The following HTR2A variants were observed in gnomAD, a reference collection of about 807,000 sequenced individuals.
The protein encoded by HTR2A is 5-hydroxytryptamine receptor 2A.
In HTR2A, 14 loss-of-function variants were observed where a neutral mutation model predicts 31.0. The ratio of observed to expected loss-of-function variants is 0.45; its 90% confidence interval spans 0.30 to 0.71. HTR2A has a LOEUF of 0.71. Among genes scored for constraint, HTR2A ranks in the 30% least tolerant of loss-of-function variants. The pLI is 0.09. For synonymous variants in HTR2A, 209 were observed against 225.2 expected, an observed-to-expected ratio of 0.93 and a Z score of 0.64; for missense variants, 442 against 573.3, an observed-to-expected ratio of 0.77 and a Z score of 2.34.
intron 3 of HTR2A, among the ~76,000 whole-genome samples, chr13:46,847,808 C>T (rs991813631): frequency 1.1e-4 from 16 of 152,098 alleles, no homozygotes; most frequent in Non-Finnish European, 1.5e-4. Flanking sequence ...TTCAGATGCA[C>T]GCCTCTGGGA....
chr13:46,856,123 A>T (rs1271858822), intron 3 of HTR2A: 1 of 152,232 alleles, frequency 6.6e-6, no homozygotes, highest in Non-Finnish European at 1.5e-5. Flanking sequence ...TGGGTGGAGA[A>T]GATTCAAGTA....
intron 3 of HTR2A, among the ~76,000 whole-genome samples, chr13:46,883,867 A>G (rs1950985867): frequency 6.6e-6 from 1 of 152,196 alleles, no homozygotes; most frequent in East Asian, 1.9e-4. Flanking sequence ...CACAGAAAAC[A>G]CAATGATTTG....
chr13:46,841,453 T>A (rs1427614182), intron 3 of HTR2A, among the ~76,000 whole-genome samples: 4 of 152,104 alleles, frequency 2.6e-5, no homozygotes, highest in African/African-American at 9.7e-5. Context: ...ACTAGGGAAG[T>A]TATTCTCAAC....
chr13:46,857,845 A>C (rs1950750012), intron 3 of HTR2A, among the ~76,000 whole-genome samples: 1 of 152,178 alleles, frequency 6.6e-6, no homozygotes, highest in African/African-American at 2.4e-5. Context: ...AGGGCCTTGC[A>C]AGCCATATGG....
chr13:46,890,967 C>A (rs980681202), intron 3 of HTR2A, among the ~76,000 whole-genome samples: 4 of 152,138 alleles, frequency 2.6e-5, no homozygotes, highest in Admixed American at 2.6e-4. Flanking sequence ...CACTTTCTTG[C>A]TCTTAGTAGA....
intron 3 of HTR2A, among the ~76,000 whole-genome samples, chr13:46,858,338 T>A (rs190383995): frequency 6.6e-6 from 1 of 152,134 alleles, no homozygotes; most frequent in Admixed American, 6.5e-5. Flanking sequence ...AGTACTGAGC[T>A]GCCTTGAAGG....
At chr13:46,886,054 A>G (rs2016711) in intron 3 of HTR2A, among the ~76,000 whole-genome samples, 9,781 of 152,238 alleles carry the variant, frequency 0.064, 347 homozygotes, top group African/African-American at 0.1. Context: ...AGCCGTATCA[A>G]ACTTATATAA....
At chr13:46,892,700 G>C in intron 2 of HTR2A, 110 bp from the exon 3 acceptor site, 4 of 805,088 alleles carry the variant, frequency 5.0e-6, no homozygotes, top group Non-Finnish European at 8.3e-6. Context: ...TGGTGGCAAA[G>C]GGCAACACAA....
chr13:46,843,186 G>A (rs941263963), intron 3 of HTR2A, among the ~76,000 whole-genome samples: 4 of 152,164 alleles, frequency 2.6e-5, no homozygotes, highest in Non-Finnish European at 5.9e-5. Flanking sequence ...TGGCCCCAAA[G>A]TGCAAGAGTA....
In HTR2A at chr13:46,895,389, T is replaced by A; in HGVS notation, c.412+106A>T. The A allele has an allele frequency of 1.0e-6, 1 of 974,522 alleles. No individual in the cohort carries two copies. The highest frequency in any genetic ancestry group is 1.7e-5 in the South Asian group (1 of 57,818). The allele number at this position is 974,522 out of a possible 1,614,324, so 60.4% of individuals were successfully genotyped here. A position where few individuals can be genotyped will look rare whatever the true frequency, so the allele number is the denominator to read the frequency against. ...AGGCTCTAGTCTATAAACAAAGACT[T>A]CTATTTATAGTTTGTTTGCCCCCTG... On this transcript the variant is annotated intron_variant, in intron 2 of 3. Coordinates refer to ENST00000542664, the MANE Select transcript of HTR2A (RefSeq NM_000621.5). This position sits in a 1 kb window ranked among gnomAD's most constrained non-coding sequence, Gnocchi z 4.4.
intron 3 of HTR2A, among the ~76,000 whole-genome samples, chr13:46,843,058 C>T (rs1425605471): frequency 6.6e-6 from 1 of 152,202 alleles, no homozygotes; most frequent in African/African-American, 2.4e-5. Context: ...TCCCTTGGTA[C>T]AGTGGATCCA....
intron 3 of HTR2A, among the ~76,000 whole-genome samples, chr13:46,881,795 T>G (rs534203593): frequency 1.3e-5 from 2 of 152,300 alleles, no homozygotes; most frequent in East Asian, 3.9e-4. Flanking sequence ...TCAGATAGTT[T>G]GTTTCAGGCT....
chr13:46,893,698 T>C (rs987343565), intron 2 of HTR2A, among the ~76,000 whole-genome samples: 1 of 152,218 alleles, frequency 6.6e-6, no homozygotes, highest in Non-Finnish European at 1.5e-5. Context: ...ATAAACAAAG[T>C]GTCCTGGTTT....
At chr13:46,864,990 C>G (rs1052685061) in intron 3 of HTR2A, among the ~76,000 whole-genome samples, 188 of 152,234 alleles carry the variant, frequency 1.2e-3, no homozygotes, top group African/African-American at 4.3e-3. Flanking sequence ...ATTTACCCAA[C>G]CTAACCTCAT....
intron 3 of HTR2A, among the ~76,000 whole-genome samples, chr13:46,846,731 C>T (rs1481196446): frequency 6.6e-6 from 1 of 152,182 alleles, no homozygotes; most frequent in Non-Finnish European, 1.5e-5. Context: ...AAAAGAGAGA[C>T]TTCCACTGTG....
Position 46,896,878 on chromosome 13 carries a change from T to C in HTR2A, c.-533A>G, listed in dbSNP as rs779269099. The C allele has an allele frequency of 1.3e-6, 2 of 1,521,474 alleles. No individual in the cohort carries two copies. The highest frequency in any genetic ancestry group is 2.4e-5 in the South Asian group (2 of 82,580). 94.2% of individuals were successfully genotyped at this position (1,521,474 alleles called of 1,614,324 possible). On this transcript the variant is annotated 5_prime_UTR_variant, in exon 1 of 4. Transcript: ENST00000542664. Reference sequence around the variant, plus strand: ...CCGCACTGCTAGGATCCTGTTGGCTTCCTCTGGCACGGCTCGGCTGGGTTC... The same window carrying C: ...CCGCACTGCTAGGATCCTGTTGGCTCCCTCTGGCACGGCTCGGCTGGGTTC...
In HTR2A at chr13:46,850,940, C is replaced by G. The variant is rs192286751; in HGVS notation, c.614-15301G>C. Reference sequence around the variant, plus strand: ...GTTCCCAGCTAATTGGTGTCCCGTACCTGTGCTGATGTTGAATGTTTTTCC... The same window carrying G: ...GTTCCCAGCTAATTGGTGTCCCGTAGCTGTGCTGATGTTGAATGTTTTTCC... On this transcript the variant is annotated intron_variant, in intron 3 of 3. Coordinates refer to ENST00000542664, the MANE Select transcript of HTR2A (RefSeq NM_000621.5). Among the ~76,000 whole-genome samples, 436 of 152,272 alleles carry G rather than the reference C, an allele frequency of 2.9e-3. 3 individuals are homozygous for G. Among genetic ancestry groups the G allele is most frequent in the South Asian group, 0.015 (74 of 4,822 alleles).
chr13:46,884,909 A>G (rs1040996402), intron 3 of HTR2A, among the ~76,000 whole-genome samples: 5 of 152,132 alleles, frequency 3.3e-5, no homozygotes, highest in African/African-American at 1.2e-4. Flanking sequence ...TACCACTCCA[A>G]AACTTGCTTC....
chr13:46,843,635 C>T (rs562721550), intron 3 of HTR2A, among the ~76,000 whole-genome samples: 2 of 152,188 alleles, frequency 1.3e-5, no homozygotes, highest in South Asian at 4.2e-4. Flanking sequence ...CTGGGCTGTT[C>T]GTTAAAGCCC....
Sources: gnomAD v4.1 joint callset for allele counts (sites outside exome capture counted in the v4.1 genomes callset) on GRCh38, gnomAD v4.1.1 for gene constraint, Gnocchi (gnomAD v3.1) non-coding constraint, MANE v1.5 for transcripts, NCBI Gene and HGNC (gene_info 2026-07-23, HGNC 2026-07-21) for gene names.